CACUL1: variants seen among roughly 807,000 people sequenced by gnomAD.
The protein encoded by CACUL1 is CDK2 associated cullin domain 1.
Under a neutral mutation model 45.2 loss-of-function variants are expected in CACUL1, and 13 were observed. The observed-to-expected ratio is 0.29, with a 90% CI of 0.19 to 0.46. CACUL1 has a LOEUF of 0.46. Ranked by LOEUF, CACUL1 falls within the 20% of genes least tolerant of loss-of-function variation. The pLI is 1.00. For synonymous variants in CACUL1, 197 were observed against 174.2 expected (o/e 1.13, Z -1.03); for missense variants, 421 against 471.4 (o/e 0.89, Z 0.99).
chr10:118,702,429 A>G (rs1406890892), intron 4 of CACUL1, among the ~76,000 whole-genome samples: 1 of 152,240 alleles, frequency 6.6e-6, no homozygotes, highest in African/African-American at 2.4e-5. Context: ...TGAACCACAG[A>G]TTCAACCAAC....
intron 3 of CACUL1, among the ~76,000 whole-genome samples, chr10:118,723,947 A>G (rs772776483): frequency 1.3e-5 from 2 of 151,986 alleles, no homozygotes; most frequent in Non-Finnish European, 2.9e-5. Flanking sequence ...TTGTATTTGT[A>G]GTAGAGACAG....
chr10:118,698,148 CTTTTTTTT>C (rs1021447229), intron 5 of CACUL1, among the ~76,000 whole-genome samples: 3 of 136,210 alleles, frequency 2.2e-5, no homozygotes. Context: ...ACCTCTTTTG[CTTTTTTTT>C]TTTTTTTTGA....
chr10:118,751,169 C>G lies in CACUL1; in HGVS notation c.367+3227G>C, dbSNP rs1025262092. Among the ~76,000 whole-genome samples, 3 of 152,198 alleles carry G rather than the reference C, an allele frequency of 2.0e-5. No individual in the cohort carries two copies. In the South Asian group the frequency reaches 6.2e-4, roughly 31 times the overall value. Reference sequence around the variant, plus strand: ...TATAGTAAGTAGTCCCTTGTCTAGTCAGATCATCATCCCTTGTTAATTTTA... The same window carrying G: ...TATAGTAAGTAGTCCCTTGTCTAGTGAGATCATCATCCCTTGTTAATTTTA... On this transcript the variant is annotated intron_variant, in intron 1 of 8. Transcript: ENST00000369151.
intron 5 of CACUL1, 40 bp downstream of exon 5, chr10:118,701,266 T>C (rs769797563): frequency 1.4e-5 from 15 of 1,095,256 alleles, no homozygotes; most frequent in Middle Eastern, 2.1e-4. Context: ...GGAAAGATCA[T>C]TGCTAGTGTT....
chr10:118,690,194 G>A (rs1276973484), intron 7 of CACUL1, among the ~76,000 whole-genome samples: 4 of 151,578 alleles, frequency 2.6e-5, no homozygotes, highest in South Asian at 2.1e-4. Context: ...CCAGCTACTC[G>A]GGAGGCTGAG....
At chr10:118,731,856 T>C (rs1231876019) in intron 1 of CACUL1, among the ~76,000 whole-genome samples, 1 of 152,132 alleles carries the variant, frequency 6.6e-6, no homozygotes, top group African/African-American at 2.4e-5. Context: ...AACAAGGCTG[T>C]AGTGGTAAAG....
intron 6 of CACUL1, among the ~76,000 whole-genome samples, chr10:118,691,866 CAAAAAAAAAAAAAA>C (rs754241223): frequency 1.0e-5 from 1 of 95,460 alleles, no homozygotes. Context: ...GACTCCGTCT[CAAAAAAAAAAAAAA>C]AAAAAAAAAA....
intron 1 of CACUL1, among the ~76,000 whole-genome samples, chr10:118,741,087 G>C (rs12360064): frequency 6.6e-6 from 1 of 152,134 alleles, no homozygotes; most frequent in African/African-American, 2.4e-5. Context: ...GCTAATACCA[G>C]AAGAAACAGC....
At chr10:118,716,986 G>A (rs1209504184) in intron 3 of CACUL1, among the ~76,000 whole-genome samples, 1 of 152,138 alleles carries the variant, frequency 6.6e-6, no homozygotes, top group Non-Finnish European at 1.5e-5. Flanking sequence ...ATTTCCATAC[G>A]CCAGTGGACC....
intron 6 of CACUL1, among the ~76,000 whole-genome samples, chr10:118,691,866 C>CAAAAAAAAAA (rs754241223): frequency 1.4e-4 from 13 of 95,452 alleles, no homozygotes; most frequent in African/African-American, 5.9e-4. Flanking sequence ...GACTCCGTCT[C>CAAAAAAAAAA]AAAAAAAAAA....
chr10:118,716,338 T>C (rs372011789), intron 3 of CACUL1, among the ~76,000 whole-genome samples: 9 of 151,974 alleles, frequency 5.9e-5, no homozygotes, highest in East Asian at 3.9e-4. Context: ...CATGTGTCTG[T>C]TTCTAAACAA....
chr10:118,737,807 GAC>G (rs1437560541), intron 1 of CACUL1, among the ~76,000 whole-genome samples: 11 of 152,008 alleles, frequency 7.2e-5, no homozygotes, highest in Non-Finnish European at 1.2e-4. Context: ...AGGAGCCTGT[GAC>G]ACAGTTCCTA....
intron 1 of CACUL1, among the ~76,000 whole-genome samples, chr10:118,752,762 T>C (rs1232466578): frequency 6.6e-6 from 1 of 152,234 alleles, no homozygotes; most frequent in African/African-American, 2.4e-5. Flanking sequence ...AGGGAGATCT[T>C]TACCATTTCA....
At chr10:118,730,479 T>C in intron 1 of CACUL1, 69 bp from the exon 2 acceptor site, 2 of 1,427,232 alleles carry the variant, frequency 1.4e-6, no homozygotes, top group Non-Finnish European at 1.9e-6. Context: ...CACAGCCATT[T>C]TGCACTCTCA....
In CACUL1 at chr10:118,686,071, T is replaced by A; in HGVS notation, c.*57A>T. 3 of 1,338,390 alleles carry A rather than the reference T, an allele frequency of 2.2e-6. No homozygotes were observed. The highest frequency in any genetic ancestry group is 3.2e-6 in the Non-Finnish European group (3 of 929,694). The allele number at this position is 1,338,390 out of a possible 1,614,324, so 82.9% of individuals were successfully genotyped here. ...AGCCCCCACTGTGCTCTGAATACAG[T>A]CTCTGCAGCTCCAGTGTGTCCTCTT... On this transcript the variant is annotated 3_prime_UTR_variant, in exon 9 of 9. Transcript: ENST00000369151.
At chr10:118,751,710 C>T (rs1845899581) in intron 1 of CACUL1, among the ~76,000 whole-genome samples, 1 of 152,136 alleles carries the variant, frequency 6.6e-6, no homozygotes, top group African/African-American at 2.4e-5. Context: ...AAATTTTAGA[C>T]TTAGGCTATT....
chr10:118,723,020 T>G (rs1845616087), intron 3 of CACUL1, among the ~76,000 whole-genome samples: 1 of 152,218 alleles, frequency 6.6e-6, no homozygotes, highest in Non-Finnish European at 1.5e-5. Flanking sequence ...GCTGCTACTC[T>G]AGACACAGTG....
At chr10:118,713,761 A>AT (rs1374684302) in intron 3 of CACUL1, among the ~76,000 whole-genome samples, 1 of 152,206 alleles carries the variant, frequency 6.6e-6, no homozygotes, top group African/African-American at 2.4e-5. Context: ...ATAGTTCTTT[A>AT]TACACAAATG....
At chr10:118,742,868 T>G (rs1439047330) in intron 1 of CACUL1, among the ~76,000 whole-genome samples, 4 of 152,322 alleles carry the variant, frequency 2.6e-5, no homozygotes, top group African/African-American at 9.6e-5. Context: ...TACATTATAC[T>G]GGCAGAAACT....
Sources: allele counts gnomAD v4.1 joint callset (sites outside exome capture counted in the v4.1 genomes callset), GRCh38; gene constraint gnomAD v4.1.1; transcripts MANE v1.5; gene names NCBI Gene and HGNC (gene_info 2026-07-23, HGNC 2026-07-21).